CYP2S1: variants seen among roughly 807,000 people sequenced by gnomAD.
CYP2S1 encodes the protein cytochrome P450 2S1.
Under a neutral mutation model 43.5 loss-of-function variants are expected in CYP2S1, and 32 were observed. The observed-to-expected ratio is 0.74, with a 90% CI of 0.56 to 0.99. The LOEUF (loss-of-function observed/expected upper bound fraction) is 0.99, where lower values mean the gene tolerates loss of function less well. Among genes scored for constraint, CYP2S1 ranks in the 50% least tolerant of loss-of-function variants. CYP2S1 has a pLI of 0.00. For synonymous variants in CYP2S1, 283 were observed against 302.9 expected (o/e 0.93, Z 0.68); for missense variants, 575 against 673.9 (o/e 0.85, Z 1.62).
At chr19:41,204,521 C>T (rs910953618) in intron 7 of CYP2S1, among the ~76,000 whole-genome samples, 6 of 152,046 alleles carry the variant, frequency 3.9e-5, no homozygotes, top group African/African-American at 1.4e-4. Flanking sequence ...CCTCCACCTT[C>T]ACTGCAGAAT....
chr19:41,197,382 C>A (rs1177170469), intron 2 of CYP2S1, among the ~76,000 whole-genome samples: 1 of 152,004 alleles, frequency 6.6e-6, no homozygotes, highest in Non-Finnish European at 1.5e-5. Flanking sequence ...CCTGAAGAGT[C>A]CCCCTCAGGG....
Position 41,206,875 on chromosome 19 carries a change from C to T in CYP2S1, c.*387C>T. 2.2e-6 allele frequency: 1 copy of T among 444,966 alleles called. No individual in the cohort carries two copies. The highest frequency in any genetic ancestry group is 4.5e-6 in the Non-Finnish European group (1 of 221,492). 27.6% of individuals were successfully genotyped at this position (444,966 alleles called of 1,614,324 possible). A position where few individuals can be genotyped will look rare whatever the true frequency, so the allele number is the denominator to read the frequency against. On this transcript the variant is annotated 3_prime_UTR_variant, in exon 9 of 9. Coordinates refer to ENST00000310054, the MANE Select transcript of CYP2S1 (RefSeq NM_030622.8). ...GCCACACATGTTCACAGCTCACACG[C>T]CCTCTCCATTCATCGAACTTCTCAG...
intron 1 of CYP2S1, 74 bp from the exon 2 acceptor site, chr19:41,194,470 A>G: frequency 6.8e-7 from 1 of 1,472,530 alleles, no homozygotes; most frequent in Non-Finnish European, 9.0e-7. Context: ...TCCTCAAGTG[A>G]CAGGGGCCAT....
At chr19:41,202,122 G>C (rs143568177) in intron 6 of CYP2S1, among the ~76,000 whole-genome samples, 2,552 of 152,224 alleles carry the variant, frequency 0.017, 72 homozygotes, top group African/African-American at 0.059. Flanking sequence ...CAAGTAGCTA[G>C]GATTACAAGC....
In CYP2S1 at chr19:41,193,275, C is replaced by T; in HGVS notation, c.11C>T (p.Thr4Ile). 6.5e-7 allele frequency: 1 copy of T among 1,542,444 alleles called. No individual in the cohort carries two copies. The highest frequency in any genetic ancestry group is 8.7e-7 in the Non-Finnish European group (1 of 1,146,254). Reference sequence around the variant, plus strand: ...AGCCGACCTGCCGAGATGGAGGCGACCGGCACCTGGGCGCTGCTGCTGGCG... The same window carrying T: ...AGCCGACCTGCCGAGATGGAGGCGATCGGCACCTGGGCGCTGCTGCTGGCG... MEA[T>I]GTWALLLALA... The change falls in exon 1 of 9, where the codon ACC (threonine) becomes ATC (isoleucine). Residue 4 changes from threonine to isoleucine, a missense_variant. Thr to Ile is a moderately conservative substitution (Grantham distance 89, BLOSUM62 -1). Transcript: ENST00000310054.
intron 7 of CYP2S1, among the ~76,000 whole-genome samples, chr19:41,204,442 C>T (rs992432824): frequency 3.3e-5 from 5 of 152,150 alleles, no homozygotes; most frequent in Admixed American, 3.3e-4. Flanking sequence ...TGGAGAGCAG[C>T]TCCGATGCAG....
At chr19:41,199,970 C>CAA (rs111678293) in intron 5 of CYP2S1, among the ~76,000 whole-genome samples, 56 of 89,056 alleles carry the variant, frequency 6.3e-4, no homozygotes, top group Middle Eastern at 7.5e-3. Context: ...AATTCCATCT[C>CAA]AAAAAAAAAA....
rs553640679 is a variant in CYP2S1 at position 41,204,592 on chromosome 19, CTTT to C, written c.1164+974_1164+976del. Among the ~76,000 whole-genome samples the C allele has an allele frequency of 2.8e-3, 301 of 109,008 alleles. 1 individual carries two copies. Among genetic ancestry groups the C allele is most frequent in the African/African-American group, 8.7e-3 (221 of 25,522 alleles). 71.5% of individuals were successfully genotyped at this position (109,008 alleles called of 152,430 possible). ...CTGCTATTTTCTTTTTCTTCTTCTT[CTTT>C]TTTTTTTTTTTTTTTTTTCCGAGAT... On this transcript the variant is annotated intron_variant, in intron 7 of 8. Coordinates refer to ENST00000310054, the MANE Select transcript of CYP2S1 (RefSeq NM_030622.8).
In CYP2S1 at chr19:41,198,445, G is replaced by A; in HGVS notation, c.494-17G>A. 1 of 1,612,210 alleles carries A rather than the reference G, an allele frequency of 6.2e-7. No homozygotes were observed. Among genetic ancestry groups the A allele is most frequent in the Non-Finnish European group, 8.5e-7 (1 of 1,179,182 alleles). On this transcript the variant is annotated splice_polypyrimidine_tract_variant and intron_variant, in intron 3 of 8. Coordinates refer to ENST00000310054, the MANE Select transcript of CYP2S1 (RefSeq NM_030622.8). This position sits in a 1 kb window ranked among gnomAD's most constrained non-coding sequence, Gnocchi z 4.9. ...TGGCTCCATCACAGCCTACCTCCCT[G>A]CCCCCATTCCCCCCAGGACGCCCAT... is the stretch of plus-strand genomic sequence containing the variant.
In CYP2S1 at chr19:41,193,288, G is replaced by GCTGCTGCTGGCGCTGGCGCTGCTC. The variant is rs1399384282; in HGVS notation, c.34_57dup (p.Ala12_Leu19dup). ...AGATGGAGGCGACCGGCACCTGGGC[G>GCTGCTGCTGGCGCTGGCGCTGCTC]CTGCTGCTGGCGCTGGCGCTGCTCC... On this transcript the variant is annotated inframe_insertion, in exon 1 of 9. Transcript: ENST00000310054. The GCTGCTGCTGGCGCTGGCGCTGCTC allele has an allele frequency of 1.9e-6, 3 of 1,540,418 alleles. No individual in the cohort carries two copies. Among genetic ancestry groups the GCTGCTGCTGGCGCTGGCGCTGCTC allele is most frequent in the South Asian group, 1.2e-5 (1 of 84,062 alleles).
chr19:41,199,661 A>G (rs1209304613), intron 5 of CYP2S1, among the ~76,000 whole-genome samples: 1 of 152,104 alleles, frequency 6.6e-6, no homozygotes, highest in Non-Finnish European at 1.5e-5. Context: ...TGCTGGGACT[A>G]TAGGCATAAG....
Position 41,206,578 on chromosome 19 carries a change from C to T in CYP2S1, c.*90C>T, listed in dbSNP as rs752526789. 4 of 1,490,910 alleles carry T rather than the reference C, an allele frequency of 2.7e-6. No homozygotes were observed. In the South Asian group the frequency reaches 3.4e-5, roughly 13 times the overall value. The allele number at this position is 1,490,910 out of a possible 1,614,324, so 92.4% of individuals were successfully genotyped here. On this transcript the variant is annotated 3_prime_UTR_variant, in exon 9 of 9. Coordinates refer to ENST00000310054, the MANE Select transcript of CYP2S1 (RefSeq NM_030622.8). The stretch of plus-strand genomic sequence containing the variant: ...ACAGGGTTAATGTCTCCAGAGTGTA[C>T]ACTGCAGGCAGCCACATTTACACGC...
intron 6 of CYP2S1, among the ~76,000 whole-genome samples, chr19:41,202,233 C>T (rs2033499533): frequency 6.6e-6 from 1 of 152,214 alleles, no homozygotes; most frequent in Non-Finnish European, 1.5e-5. Context: ...AGTGATCTGC[C>T]CACCTCAGCC....
chr19:41,194,020 C>T (rs1215466488), intron 1 of CYP2S1, among the ~76,000 whole-genome samples: 1 of 151,976 alleles, frequency 6.6e-6, no homozygotes, highest in Non-Finnish European at 1.5e-5. Flanking sequence ...AGAAAGAAGG[C>T]AGAGGCAGCC....
At chr19:41,203,139 G>C (rs190362767) in intron 6 of CYP2S1, among the ~76,000 whole-genome samples, 50 of 151,728 alleles carry the variant, frequency 3.3e-4, no homozygotes, top group African/African-American at 1.2e-3. Flanking sequence ...TTGAATCCGG[G>C]AGGCAGAGGT....
chr19:41,198,512 G>A lies in CYP2S1; in HGVS notation c.544G>A (p.Val182Ile), dbSNP rs375184027. Reference protein sequence around the residue: ...LLLAQATSNVVCSLLFGLRFS... With the variant: ...LLLAQATSNVICSLLFGLRFS... ...GCTGGCCCAGGCCACCTCCAACGTA[G>A]TCTGCTCCCTCCTCTTTGGCCTCCG... Residue 182 changes from valine (V) to isoleucine (I), a missense_variant, in exon 4 of 9, where the codon GTC (valine) becomes ATC (isoleucine). Val to Ile is a conservative substitution (Grantham distance 29). Around this residue, in one of 2 missense-constraint regions of CYP2S1, gnomAD observed 353 missense variants for 367.6 expected, o/e 0.96. Coordinates refer to ENST00000310054, the MANE Select transcript of CYP2S1 (RefSeq NM_030622.8). The surrounding 1 kb of genome is among the most constrained non-coding windows in gnomAD (Gnocchi z 4.9). 6.2e-7 allele frequency: 1 copy of A among 1,614,124 alleles called. No individual in the cohort carries two copies. The highest frequency in any genetic ancestry group is 1.1e-5 in the South Asian group (1 of 91,084).
At position 41,206,266 on chromosome 19, in the gene CYP2S1, T is replaced by G. The variant is rs771802774; in HGVS notation, c.1307-14T>G. 23 of 1,613,648 alleles carry G rather than the reference T, an allele frequency of 1.4e-5. No homozygotes were observed. The highest frequency in any genetic ancestry group is 8.3e-5 in the Admixed American group (5 of 59,962). On this transcript the variant is annotated splice_polypyrimidine_tract_variant and intron_variant, in intron 8 of 8. Coordinates refer to ENST00000310054, the MANE Select transcript of CYP2S1 (RefSeq NM_030622.8). ...ATACTGACTCAGCCCTCTCTCTCTC[T>G]CTCTCCTCACCAGGGAAGCGTGTCT...
intron 7 of CYP2S1, among the ~76,000 whole-genome samples, chr19:41,205,529 CTCTT>C (rs1284054997): frequency 2.0e-5 from 3 of 150,396 alleles, no homozygotes. Context: ...CTCTCTTTCT[CTCTT>C]TCTTTCTTGA....
In CYP2S1 at chr19:41,198,944, C is replaced by T. The variant is rs1413101420; in HGVS notation, c.834+56C>T. 10 of 1,554,744 alleles carry T rather than the reference C, an allele frequency of 6.4e-6. No individual in the cohort carries two copies. Among genetic ancestry groups the T allele is most frequent in the Non-Finnish European group, 8.7e-6 (10 of 1,147,330 alleles). ...GAATGGGCGTGGTGACCTGGCAGGT[C>T]CCCAGCCAGGTGTCCCTGGGGACCT... On this transcript the variant is annotated intron_variant, in intron 5 of 8. Transcript: ENST00000310054. The surrounding 1 kb of genome is among the most constrained non-coding windows in gnomAD (Gnocchi z 4.9).
Sources: allele counts gnomAD v4.1 joint callset (sites outside exome capture counted in the v4.1 genomes callset), GRCh38; gene constraint gnomAD v4.1.1; regional missense constraint gnomAD v4.1.1; non-coding constraint Gnocchi (gnomAD v3.1); transcripts MANE v1.5; gene names NCBI Gene and HGNC (gene_info 2026-07-23, HGNC 2026-07-21).